The following TRIM10 variants were observed in gnomAD, a reference collection of about 807,000 sequenced individuals.
The protein encoded by TRIM10 is tripartite motif-containing protein 10.
In TRIM10, 42 loss-of-function variants were observed where a neutral mutation model predicts 40.0. The observed-to-expected ratio is 1.05, with a 90% CI of 0.82 to 1.36. TRIM10 has a LOEUF of 1.36. TRIM10 is among the 40% of genes most tolerant of loss of function. The probability of loss-of-function intolerance (pLI) is 0.00; values close to 1 mark genes in which losing one functional copy is unlikely to be tolerated. For synonymous variants in TRIM10, 260 were observed against 239.5 expected (o/e 1.09, Z -0.79); for missense variants, 601 against 608.3 (o/e 0.99, Z 0.13).
intron 5 of TRIM10, 52 bp from the exon 6 acceptor site, chr6:30,155,811 A>C (rs1772480151): frequency 1.3e-6 from 2 of 1,575,384 alleles, no homozygotes. Context: ...CAAAACCATC[A>C]GACACTTAAT....
At chr6:30,163,656 G>A (rs766165034), upstream of TRIM10, 2 of 1,577,578 alleles carry the variant, frequency 1.3e-6, no homozygotes, top group Non-Finnish European at 1.7e-6. Context: ...TGAGGAGACC[G>A]GAGTGGACGG....
At position 30,153,844 on chromosome 6, in the gene TRIM10, C is replaced by G. The variant is rs902853818; in HGVS notation, c.*125G>C. ...TCTATCCCTTACCACCCGGCCCCAT[C>G]CCATCTTCTAAAGCAGTCATTTCTA... On this transcript the variant is annotated 3_prime_UTR_variant, in exon 7 of 7. Transcript: ENST00000449742. 1 of 1,607,398 alleles carries G rather than the reference C, an allele frequency of 6.2e-7. No homozygotes were observed. The highest frequency in any genetic ancestry group is 1.3e-5 in the African/African-American group (1 of 74,804).
upstream of TRIM10, among the ~76,000 whole-genome samples, chr6:30,162,056 ACGAGG>A (rs1773142788): frequency 2.0e-5 from 3 of 152,032 alleles, no homozygotes; most frequent in Non-Finnish European, 4.4e-5. Flanking sequence ...CGGGCGGATC[ACGAGG>A]TCAGGAAATC....
Position 30,153,899 on chromosome 6 carries a change from G to T in TRIM10, c.*70C>A. On this transcript the variant is annotated 3_prime_UTR_variant, in exon 7 of 7. Coordinates refer to ENST00000449742, the MANE Select transcript of TRIM10 (RefSeq NM_006778.4). ...AAGTCATCCAGGTGATTCAGCCAGGGATCAAGTCCACATGGTACTTGGGTT... is the reference window on the plus strand; with the variant it reads ...AAGTCATCCAGGTGATTCAGCCAGGTATCAAGTCCACATGGTACTTGGGTT... The T allele has an allele frequency of 6.3e-7, 1 of 1,584,916 alleles. No individual in the cohort carries two copies. Among genetic ancestry groups the T allele is most frequent in the Non-Finnish European group, 8.6e-7 (1 of 1,163,594 alleles).
At chr6:30,160,327 G>A in intron 1 of TRIM10, 103 bp downstream of exon 1, 2 of 1,273,286 alleles carry the variant, frequency 1.6e-6, no homozygotes, top group Non-Finnish European at 2.2e-6. Flanking sequence ...TGTAAGTAAG[G>A]AGAAAGAATT....
At chr6:30,162,931 AAAATAAATAAAT>A (rs9278598), upstream of TRIM10, among the ~76,000 whole-genome samples, 19,221 of 143,738 alleles carry the variant, frequency 0.13, 1,931 homozygotes, top group African/African-American at 0.28. Context: ...CGCTACAGTA[AAAATAAATAAAT>A]AAATAAATAA....
In TRIM10 at chr6:30,154,155, T is replaced by G; in HGVS notation, c.1260A>C (p.Thr420=). Residue 420 remains threonine (T), a synonymous_variant, in exon 7 of 7, where the codon ACA becomes ACC. Coordinates refer to ENST00000449742, the MANE Select transcript of TRIM10 (RefSeq NM_006778.4). ...GGGGCTGCTCCTTCAGGGTCAGCCG[T>G]GTGGGGAAGGAGCCCAGAGCCGAGA... The part of the protein sequence containing the change: ...GFVSALGSFP[T]RLTLKEQPRQ... The G allele has an allele frequency of 6.2e-7, 1 of 1,612,492 alleles. No individual in the cohort carries two copies. Among genetic ancestry groups the G allele is most frequent in the Non-Finnish European group, 8.5e-7 (1 of 1,179,646 alleles).
chr6:30,156,474 C>G (rs1467031913), intron 5 of TRIM10, among the ~76,000 whole-genome samples: 1 of 151,970 alleles, frequency 6.6e-6, no homozygotes, highest in African/African-American at 2.4e-5. Context: ...GTAGGACCGT[C>G]TAACTCTGAG....
intron 4 of TRIM10, 78 bp from the exon 5 acceptor site, chr6:30,157,132 T>C: frequency 1.4e-6 from 2 of 1,403,424 alleles, no homozygotes; most frequent in Non-Finnish European, 2.0e-6. Context: ...CATCTTCTAA[T>C]AGGGCATGAT....
upstream of TRIM10, among the ~76,000 whole-genome samples, chr6:30,162,046 C>T (rs201001418): frequency 2.8e-5 from 3 of 107,670 alleles, no homozygotes; most frequent in Admixed American, 1.8e-4. Context: ...GAGGCCTAGG[C>T]GGGCGGATCA....
At chr6:30,155,324 GT>G (rs1772427074) in intron 6 of TRIM10, among the ~76,000 whole-genome samples, 1 of 152,104 alleles carries the variant, frequency 6.6e-6, no homozygotes, top group Admixed American at 6.5e-5. Context: ...TTCTAAAGAG[GT>G]GATTATAAAC....
intron 5 of TRIM10, among the ~76,000 whole-genome samples, chr6:30,155,964 G>T (rs1427033987): frequency 6.6e-6 from 1 of 152,154 alleles, no homozygotes; most frequent in Non-Finnish European, 1.5e-5. Context: ...CAGGTGCTCT[G>T]GGGTGGAGCT....
upstream of TRIM10, chr6:30,163,605 T>TAAG (rs886943485): frequency 6.7e-7 from 1 of 1,499,532 alleles, no homozygotes; most frequent in Non-Finnish European, 8.9e-7. Context: ...GCGATTCATG[T>TAAG]AAGTGTGACT....
In TRIM10 at chr6:30,157,378, G is replaced by A. The variant is rs141776545; in HGVS notation, c.770C>T (p.Thr257Ile). 5 of 1,603,182 alleles carry A rather than the reference G, an allele frequency of 3.1e-6. No homozygotes were observed. The African/African-American group carries it at 4.0e-5, about 13-fold the overall frequency. ...ARELLTDIRS[T>I]LIRCETRKCR... Reference sequence around the variant, plus strand: ...AAACTATATTGCTTACCTTATTAGAGTGCTTCTGATGTCCTAGGAGAAAGA... The same window carrying A: ...AAACTATATTGCTTACCTTATTAGAATGCTTCTGATGTCCTAGGAGAAAGA... Residue 257 changes from threonine (T) to isoleucine (I), a missense_variant, in exon 4 of 7, where the codon ACT becomes ATT. Coordinates refer to ENST00000449742, the MANE Select transcript of TRIM10 (RefSeq NM_006778.4).
intron 5 of TRIM10, among the ~76,000 whole-genome samples, chr6:30,156,185 T>C (rs1354488912): frequency 2.0e-5 from 3 of 152,192 alleles, no homozygotes; most frequent in African/African-American, 4.8e-5. Context: ...GGAAATAATT[T>C]TGGGGAGAGT....
At position 30,156,959 on chromosome 6, in the gene TRIM10, C is replaced by T. The variant is rs1772590879; in HGVS notation, c.875G>A (p.Arg292Lys). 6.2e-7 allele frequency: 1 copy of T among 1,613,070 alleles called. No homozygotes were observed. The change falls in exon 5 of 7, where the codon AGG becomes AAG. Residue 292 changes from arginine (R) to lysine (K), a missense_variant. Coordinates refer to ENST00000449742, the MANE Select transcript of TRIM10 (RefSeq NM_006778.4). ...CTTACCCAGAAACATCTTCATCTCC[C>T]TCTGCAGCGGGAGGGCCTGCTGGGG... Reference protein sequence around the residue: ...DFPQQALPLQREMKMFLEKLC... With the variant: ...DFPQQALPLQKEMKMFLEKLC...
Position 30,161,071 on chromosome 6 carries a change from A to G in TRIM10, c.-213T>C. 1 of 598,754 alleles carries G rather than the reference A, an allele frequency of 1.7e-6. No individual in the cohort carries two copies. Among genetic ancestry groups the G allele is most frequent in the Non-Finnish European group, 2.9e-6 (1 of 341,832 alleles). 37.1% of individuals were successfully genotyped at this position (598,754 alleles called of 1,614,324 possible). Reference sequence around the variant, plus strand: ...CAGCAGAGATGGGAAATAGCAGAGGAGAGGAAGGAAGAGGGGCTCACAGCA... The same window carrying G: ...CAGCAGAGATGGGAAATAGCAGAGGGGAGGAAGGAAGAGGGGCTCACAGCA... On this transcript the variant is annotated 5_prime_UTR_variant, in exon 1 of 7. Coordinates refer to ENST00000449742, the MANE Select transcript of TRIM10 (RefSeq NM_006778.4).
chr6:30,157,240 A>G, intron 4 of TRIM10, 129 bp downstream of exon 4: 1 of 1,140,872 alleles, frequency 8.8e-7, no homozygotes, highest in Non-Finnish European at 1.3e-6. Context: ...ATTTGGGTAT[A>G]TAGAGGTTTA....
chr6:30,156,792 T>A, intron 5 of TRIM10, 147 bp downstream of exon 5: 1 of 736,622 alleles, frequency 1.4e-6, no homozygotes, highest in Non-Finnish European at 2.4e-6. Context: ...AGGCAGATTT[T>A]ATAAAAATCT....
Sources: allele counts gnomAD v4.1 joint callset (sites outside exome capture counted in the v4.1 genomes callset), GRCh38; gene constraint gnomAD v4.1.1; transcripts MANE v1.5; gene names NCBI Gene and HGNC (gene_info 2026-07-23, HGNC 2026-07-21).